LOC128462377: variants seen among roughly 807,000 people sequenced by gnomAD.
chr16:89,323,865 C>A, the LOC128462377 span: 1 of 216,666 alleles, frequency 4.6e-6, no homozygotes. Flanking sequence ...GGGTGTCCTC[C>A]GTCTCACCCC....
chr16:89,415,570 T>G, the LOC128462377 span, among the ~76,000 whole-genome samples: 4 of 151,640 alleles, frequency 2.6e-5, no homozygotes, highest in Non-Finnish European at 5.9e-5. Flanking sequence ...GGCAAGCTAT[T>G]CTTTTTTTAA....
chr16:89,348,785 T>C, the LOC128462377 span, among the ~76,000 whole-genome samples: 1 of 151,990 alleles, frequency 6.6e-6, no homozygotes, highest in African/African-American at 2.4e-5. Context: ...ATCACAGCAA[T>C]GTCCCTTTTC....
the LOC128462377 span, among the ~76,000 whole-genome samples, chr16:89,368,202 CTTT>C: frequency 6.9e-6 from 1 of 144,666 alleles, no homozygotes; most frequent in Non-Finnish European, 1.5e-5. Context: ...TGTTTTCGAG[CTTT>C]TTTTTTTTGA....
the LOC128462377 span, among the ~76,000 whole-genome samples, chr16:89,340,742 T>C: frequency 1.3e-5 from 2 of 152,242 alleles, no homozygotes; most frequent in African/African-American, 2.4e-5. Context: ...AGGCTGTTCA[T>C]TGGCAAAACA....
At chr16:89,399,003 T>C in the LOC128462377 span, among the ~76,000 whole-genome samples, 3 of 152,134 alleles carry the variant, frequency 2.0e-5, no homozygotes, top group Admixed American at 6.5e-5. Flanking sequence ...TTTTTTAAAA[T>C]TGTTAACAAG....
chr16:89,393,593 C>G, the LOC128462377 span, among the ~76,000 whole-genome samples: 2 of 151,400 alleles, frequency 1.3e-5, no homozygotes, highest in Non-Finnish European at 2.9e-5. Context: ...TTGCCCGCCT[C>G]AGCCTCCCAA....
chr16:89,399,342 T>C, the LOC128462377 span, among the ~76,000 whole-genome samples: 1 of 152,040 alleles, frequency 6.6e-6, no homozygotes, highest in Non-Finnish European at 1.5e-5. Flanking sequence ...AACAGAATAT[T>C]ACCAGGCCCT....
At chr16:89,384,804 C>G in the LOC128462377 span, among the ~76,000 whole-genome samples, 1 of 149,494 alleles carries the variant, frequency 6.7e-6, no homozygotes, top group Non-Finnish European at 1.5e-5. Flanking sequence ...GACAGCCCAA[C>G]AACAGAACCG....
chr16:89,350,917 A>G, the LOC128462377 span, among the ~76,000 whole-genome samples: 60 of 152,296 alleles, frequency 3.9e-4, 1 homozygote, highest in East Asian at 0.011. Context: ...TCCACGATTC[A>G]GCAGGGTGAC....
At chr16:89,366,586 C>T in the LOC128462377 span, among the ~76,000 whole-genome samples, 1 of 152,196 alleles carries the variant, frequency 6.6e-6, no homozygotes. Flanking sequence ...GGTTTCCACT[C>T]GCTGAAATCA....
the LOC128462377 span, among the ~76,000 whole-genome samples, chr16:89,334,050 G>C: frequency 3.4e-5 from 5 of 147,612 alleles, no homozygotes; most frequent in African/African-American, 1.3e-4. Context: ...AGTGGCTCAA[G>C]CCTGTAAAAC....
the LOC128462377 span, among the ~76,000 whole-genome samples, chr16:89,356,689 GAGAATGGTATGAA>G: frequency 6.7e-6 from 1 of 149,096 alleles, no homozygotes; most frequent in Non-Finnish European, 1.5e-5. Flanking sequence ...GCTGAGGCAG[GAGAATGGTATGAA>G]CCCGGGAGGC....
chr16:89,416,070 G>A, the LOC128462377 span, among the ~76,000 whole-genome samples: 1 of 152,034 alleles, frequency 6.6e-6, no homozygotes, highest in East Asian at 1.9e-4. Context: ...AATCAATACT[G>A]AGGATCTATA....
the LOC128462377 span, among the ~76,000 whole-genome samples, chr16:89,364,990 T>C: frequency 0.027 from 4,116 of 152,302 alleles, 183 homozygotes; most frequent in African/African-American, 0.095. Flanking sequence ...GGAAATCACA[T>C]TCTAAGACGC....
the LOC128462377 span, among the ~76,000 whole-genome samples, chr16:89,378,274 T>C: frequency 3.3e-5 from 5 of 152,142 alleles, no homozygotes; most frequent in Non-Finnish European, 7.3e-5. Context: ...AAGGCACTGG[T>C]CAACAAAATT....
At chr16:89,354,801 C>T in the LOC128462377 span, among the ~76,000 whole-genome samples, 25 of 152,222 alleles carry the variant, frequency 1.6e-4, no homozygotes, top group East Asian at 9.7e-4. Flanking sequence ...CAGGAGAAAT[C>T]GCTTGAACCC....
At chr16:89,334,841 C>T in the LOC128462377 span, among the ~76,000 whole-genome samples, 18 of 152,248 alleles carry the variant, frequency 1.2e-4, no homozygotes, top group African/African-American at 4.3e-4. Context: ...ACGGGGCGCA[C>T]GTGTCCATAG....
At chr16:89,385,878 C>T in the LOC128462377 span, among the ~76,000 whole-genome samples, 22 of 152,356 alleles carry the variant, frequency 1.4e-4, no homozygotes, top group Admixed American at 1.2e-3. Flanking sequence ...CATTTGTGAC[C>T]GTTCCCTCCG....
chr16:89,370,602 A>G, the LOC128462377 span: 2 of 152,452 alleles, frequency 1.3e-5, no homozygotes, highest in Admixed American at 1.3e-4. Flanking sequence ...GTCACCGCAC[A>G]CATTTGACAA....
Sources: gnomAD v4.1 joint callset for allele counts (sites outside exome capture counted in the v4.1 genomes callset) on GRCh38, gnomAD v4.1.1 for gene constraint, MANE v1.5 for transcripts.